GRIP1: variants seen among roughly 807,000 people sequenced by gnomAD.
The protein encoded by GRIP1 is glutamate receptor interacting protein 1.
GRIP1 carries 45 observed loss-of-function variants against 129.9 expected under a neutral mutation model. The observed-to-expected ratio is 0.35, with a 90% CI of 0.27 to 0.44. The LOEUF is 0.44. Among genes scored for constraint, GRIP1 ranks in the 20% least tolerant of loss-of-function variants. GRIP1 has a pLI of 1.00. For missense variants in GRIP1, 1,196 were observed against 1,396.8 expected, an observed-to-expected ratio of 0.86 and a Z score of 2.29; for synonymous variants, 530 against 520.8, an observed-to-expected ratio of 1.02 and a Z score of -0.24.
At chr12:66,895,624 T>C (rs2040734899) in intron 1 of GRIP1, among the ~76,000 whole-genome samples, 1 of 152,084 alleles carries the variant, frequency 6.6e-6, no homozygotes, top group Admixed American at 6.5e-5. Flanking sequence ...CTGGGCACCA[T>C]TAACAAGCAG....
chr12:66,482,847 G>A (rs1237398151), intron 7 of GRIP1, among the ~76,000 whole-genome samples: 1 of 152,168 alleles, frequency 6.6e-6, no homozygotes, highest in African/African-American at 2.4e-5. Flanking sequence ...CAGAAGATTA[G>A]TTTATCCTGC....
At chr12:66,679,148 T>G, upstream of GRIP1, 2 of 1,417,878 alleles carry the variant, frequency 1.4e-6, no homozygotes, top group Non-Finnish European at 1.8e-6. Flanking sequence ...ACAATCACAA[T>G]GGCTTAGAAA....
At chr12:66,833,684 T>C (rs1056988111) in intron 1 of GRIP1, among the ~76,000 whole-genome samples, 1 of 152,190 alleles carries the variant, frequency 6.6e-6, no homozygotes, top group Non-Finnish European at 1.5e-5. Flanking sequence ...TCATCATTAA[T>C]ATTGGAATTT....
rs541148928 is a variant in GRIP1 at position 66,485,418 on chromosome 12, T to C, written c.725-19996A>G. ...GTGAAAATTAAATATATATATATAA[T>C]TTAAAAAATAATTAAAATAGTTTTA... On this transcript the variant is annotated intron_variant, in intron 7 of 24. Transcript: ENST00000359742. Among the ~76,000 whole-genome samples the C allele has an allele frequency of 2.7e-4, 41 of 151,014 alleles. No homozygotes were observed. The South Asian group carries it at 8.3e-3, about 31-fold the overall frequency.
At position 66,936,820 on chromosome 12, in the gene GRIP1, G is replaced by A. The variant is rs61918817; in HGVS notation, c.58+132230C>T. On this transcript the variant is annotated intron_variant, in intron 1 of 1. Transcript: ENST00000643019. ...CAGGGTAACCACAAAATTAGCATGCGTATTCAGCATGAACAAAAAAATGGC... is the reference window on the plus strand; with the variant it reads ...CAGGGTAACCACAAAATTAGCATGCATATTCAGCATGAACAAAAAAATGGC... 4.7e-3 allele frequency among the ~76,000 whole-genome samples: 721 copies of A among 152,240 alleles called. 4 individuals carry two copies. The highest frequency in any genetic ancestry group is 0.024 in the Middle Eastern group (7 of 292).
chr12:66,905,985 A>G (rs1396223663), intron 1 of GRIP1, among the ~76,000 whole-genome samples: 1 of 152,214 alleles, frequency 6.6e-6, no homozygotes, highest in Non-Finnish European at 1.5e-5. Flanking sequence ...TCAGTTCTCG[A>G]TGTGTAAAAC....
chr12:66,610,197 A>G (rs1024387205), intron 1 of GRIP1, among the ~76,000 whole-genome samples: 2 of 151,790 alleles, frequency 1.3e-5, no homozygotes, highest in Admixed American at 6.6e-5. Flanking sequence ...GAAAATCAGG[A>G]AGGAATATAT....
intron 1 of GRIP1, among the ~76,000 whole-genome samples, chr12:66,757,215 C>T (rs1466064924): frequency 1.3e-5 from 2 of 151,930 alleles, no homozygotes; most frequent in African/African-American, 2.4e-5. Flanking sequence ...TTTTTGTGCC[C>T]GTTAGCCATC....
rs752872677 is a variant in GRIP1 at position 66,392,396 on chromosome 12, G to A, written c.2376C>T (p.Ser792=). 43 of 1,613,716 alleles carry A rather than the reference G, an allele frequency of 2.7e-5. No homozygotes were observed. The East Asian group carries it at 3.8e-4, about 14-fold the overall frequency. Residue 792 remains serine, a synonymous_variant, in exon 19 of 25, where the codon TCC becomes TCT. Coordinates refer to ENST00000359742, the MANE Select transcript of GRIP1 (RefSeq NM_001366722.1). ...SSPAQKPGKL[S]DMYPSTVPSV... is the part of the protein sequence containing the mutation. ...TGGGCACCGTGGAGGGGTACATGTC[G>A]GAGAGCTTGCCTGGCTTCTGTGCTG...
Position 66,515,631 on chromosome 12 carries a change from C to T in GRIP1, c.712G>A (p.Val238Ile). The change falls in exon 7 of 25, where the codon GTC (valine) becomes ATC (isoleucine). Residue 238 changes from valine to isoleucine, a missense_variant. Val to Ile is a conservative substitution (Grantham distance 29). Around this residue, in one of 5 missense-constraint regions of GRIP1, gnomAD observed 508 missense variants for 587.0 expected, o/e 0.87. Coordinates refer to ENST00000359742, the MANE Select transcript of GRIP1 (RefSeq NM_001366722.1). ...QEAALLIEYD[V>I]SVMDSVATAS... ...GACCCCAACATACCCATTACTGAGA[C>T]ATCATATTCTATCAGCAGTGCTGCT... 6.2e-7 allele frequency: 1 copy of T among 1,613,368 alleles called. No homozygotes were observed. Among genetic ancestry groups the T allele is most frequent in the South Asian group, 1.1e-5 (1 of 91,072 alleles).
At chr12:66,966,403 C>T (rs1181434321) in intron 1 of GRIP1, among the ~76,000 whole-genome samples, 2 of 152,072 alleles carry the variant, frequency 1.3e-5, no homozygotes, top group African/African-American at 4.8e-5. Flanking sequence ...CTTATATCAA[C>T]CCAGAGAGTT....
chr12:66,994,482 A>T, intron 1 of GRIP1, among the ~76,000 whole-genome samples: 1 of 151,966 alleles, frequency 6.6e-6, no homozygotes, highest in East Asian at 1.9e-4. Context: ...ATAGAGAAGA[A>T]TTTCTCAACC....
chr12:66,381,259 C>G (rs2056096472), intron 19 of GRIP1, among the ~76,000 whole-genome samples: 1 of 152,172 alleles, frequency 6.6e-6, no homozygotes, highest in African/African-American at 2.4e-5. Context: ...TCTCTTTTTC[C>G]TAGATAACTG....
chr12:66,698,557 C>T lies in GRIP1; in HGVS notation c.-419-68221G>A, dbSNP rs141764837. Among the ~76,000 whole-genome samples the T allele has an allele frequency of 3.0e-3, 463 of 152,278 alleles. 2 individuals are homozygous for T. Among genetic ancestry groups the T allele is most frequent in the African/African-American group, 0.01 (436 of 41,558 alleles). On this transcript the variant is annotated intron_variant, in intron 1 of 4. Coordinates refer to the GRIP1 transcript ENST00000538373. The stretch of plus-strand genomic sequence containing the variant: ...CTATTTGTCAGTTTGGCCACCAACC[C>T]GCAAGTCTCCTAGGCTAGAAATCTC...
chr12:67,056,248 T>A (rs1429318079), intron 1 of GRIP1, among the ~76,000 whole-genome samples: 1 of 152,158 alleles, frequency 6.6e-6, no homozygotes, highest in African/African-American at 2.4e-5. Context: ...AGTGAACATA[T>A]CTAGCATCTA....
In GRIP1 at chr12:66,876,147, AC is replaced by A. The variant is rs149446564; in HGVS notation, c.58+192902del. ...CTGCAAGAGCGATAATGAGGATCAA[AC>A]TGGAATGAAAACTACAAAATTTGGC... On this transcript the variant is annotated intron_variant, in intron 1 of 1. Coordinates refer to the GRIP1 transcript ENST00000643019. Among the ~76,000 whole-genome samples the A allele has an allele frequency of 4.7e-3, 708 of 152,172 alleles. 8 individuals carry two copies. Among genetic ancestry groups the A allele is most frequent in the African/African-American group, 0.016 (662 of 41,546 alleles).
chr12:66,958,258 G>C (rs2041871561), intron 1 of GRIP1, among the ~76,000 whole-genome samples: 1 of 152,084 alleles, frequency 6.6e-6, no homozygotes, highest in Non-Finnish European at 1.5e-5. Flanking sequence ...TCCCTCCTCA[G>C]CCTCCTGAGT....
At chr12:66,406,579 CCTT>C (rs2057197991) in intron 15 of GRIP1, 151 bp from the exon 16 acceptor site, 1 of 794,602 alleles carries the variant, frequency 1.3e-6, no homozygotes, top group Non-Finnish European at 2.2e-6. Flanking sequence ...CAACTCCCTC[CCTT>C]CTTCTAGTCT....
chr12:66,458,749 T>C (rs1343706712), intron 9 of GRIP1, among the ~76,000 whole-genome samples: 2 of 152,242 alleles, frequency 1.3e-5, no homozygotes, highest in African/African-American at 4.8e-5. Flanking sequence ...GTTTCATCCA[T>C]ATCACTCTAC....
Sources: allele counts gnomAD v4.1 joint callset (sites outside exome capture counted in the v4.1 genomes callset), GRCh38; gene constraint gnomAD v4.1.1; regional missense constraint gnomAD v4.1.1; transcripts MANE v1.5; gene names NCBI Gene and HGNC (gene_info 2026-07-23, HGNC 2026-07-21).